Variants in TNPO1 observed in about 807,000 individuals in gnomAD.
TNPO1 encodes the protein transportin 1.
In TNPO1, 8 loss-of-function variants were observed where a neutral mutation model predicts 119.5. That is an observed-to-expected ratio of 0.07 (90% CI 0.04 to 0.12). The LOEUF (loss-of-function observed/expected upper bound fraction) is 0.12. Among genes scored for constraint, TNPO1 ranks in the 10% least tolerant of loss-of-function variants. The probability of loss-of-function intolerance (pLI) is 1.00; values close to 1 mark genes in which losing one functional copy is unlikely to be tolerated. For missense variants in TNPO1, 576 were observed against 1,089.8 expected (o/e 0.53, Z 6.64); for synonymous variants, 362 against 363.0 (o/e 1.00, Z 0.03).
chr5:72,887,034 G>A lies in TNPO1; in HGVS notation c.1151-36G>A, dbSNP rs183099839. The A allele has an allele frequency of 3.3e-3, 5,246 of 1,576,608 alleles. 18 individuals carry two copies. The highest frequency in any genetic ancestry group is 3.6e-3 in the South Asian group (302 of 84,882). ...ATAAATAATATATAAGTAATAAGAG[G>A]TTAATGTAATATTTTTGAATTAAAT... is the stretch of plus-strand genomic sequence containing the variant. On this transcript the variant is annotated intron_variant, in intron 11 of 24. Transcript: ENST00000337273.
chr5:72,889,622 G>A (rs368682131), intron 13 of TNPO1, among the ~76,000 whole-genome samples, 164 bp from the exon 14 acceptor site: 16 of 152,178 alleles, frequency 1.1e-4, no homozygotes, highest in South Asian at 4.2e-4. Flanking sequence ...GGAAGAAATC[G>A]GTAAATAATT....
chr5:72,882,868 AG>A (rs1748350173), intron 10 of TNPO1, among the ~76,000 whole-genome samples, 195 bp from the exon 11 acceptor site: 1 of 152,176 alleles, frequency 6.6e-6, no homozygotes, highest in Non-Finnish European at 1.5e-5. Flanking sequence ...ATAACCTAAC[AG>A]GTGTGTTAGG....
intron 11 of TNPO1, among the ~76,000 whole-genome samples, 159 bp from the exon 12 acceptor site, chr5:72,886,911 A>G (rs887513478): frequency 5.5e-5 from 7 of 127,470 alleles, no homozygotes; most frequent in Non-Finnish European, 1.0e-4. Flanking sequence ...AAAAAAAAAA[A>G]CCACAAAATG....
chr5:72,896,233 C>T (rs984604134), intron 18 of TNPO1, among the ~76,000 whole-genome samples: 2 of 151,812 alleles, frequency 1.3e-5, no homozygotes, highest in African/African-American at 4.8e-5. Flanking sequence ...ATACTGTTTT[C>T]TTCAGTTTCT....
chr5:72,870,158 C>CTTT (rs200118076), intron 6 of TNPO1, among the ~76,000 whole-genome samples: 27,090 of 106,082 alleles, frequency 0.26, 4,969 homozygotes, highest in Middle Eastern at 0.35. Context: ...ATACTAATTG[C>CTTT]TTTTTTTTTT....
chr5:72,887,987 A>G, intron 12 of TNPO1, 91 bp from the exon 13 acceptor site: 1 of 1,247,066 alleles, frequency 8.0e-7, no homozygotes, highest in Admixed American at 2.2e-5. Flanking sequence ...AATATTCTGA[A>G]TTTTTTCATA....
chr5:72,855,307 A>G (rs748125976), intron 3 of TNPO1, among the ~76,000 whole-genome samples: 3 of 152,032 alleles, frequency 2.0e-5, no homozygotes, highest in East Asian at 1.9e-4. Flanking sequence ...TTTTAATAGG[A>G]TATGTTTAAG....
intron 6 of TNPO1, among the ~76,000 whole-genome samples, chr5:72,866,115 C>G (rs528731028): frequency 6.6e-6 from 1 of 152,112 alleles, no homozygotes; most frequent in Non-Finnish European, 1.5e-5. Flanking sequence ...AGGCGTATTG[C>G]GTGGATGCTG....
intron 6 of TNPO1, among the ~76,000 whole-genome samples, chr5:72,867,734 T>G (rs920297858): frequency 1.3e-5 from 2 of 152,244 alleles, no homozygotes; most frequent in African/African-American, 2.4e-5. Context: ...GTGAGATATA[T>G]CTTAGTTTTT....
chr5:72,888,732 A>G (rs955597780), intron 13 of TNPO1, among the ~76,000 whole-genome samples: 3 of 152,220 alleles, frequency 2.0e-5, no homozygotes, highest in Non-Finnish European at 4.4e-5. Context: ...GTTTGAGCAG[A>G]TTGACATCCT....
In TNPO1 at chr5:72,861,912, G is replaced by A; in HGVS notation, c.460G>A (p.Glu154Lys). 6.2e-7 allele frequency: 1 copy of A among 1,604,092 alleles called. No homozygotes were observed. Among genetic ancestry groups the A allele is most frequent in the Non-Finnish European group, 8.5e-7 (1 of 1,170,958 alleles). Residue 154 changes from glutamate (E) to lysine (K), a missense_variant and splice_region_variant, in exon 5 of 25, where the codon GAG (glutamate) becomes AAG (lysine). Physicochemically the swap from Glu to Lys is moderately conservative, Grantham distance 56. Around this residue, in one of 6 missense-constraint regions of TNPO1, gnomAD observed 310 missense variants for 583.0 expected, o/e 0.53. Transcript: ENST00000337273. Reference sequence around the variant, plus strand: ...GGATTCTGAAGATTATAATACCTGTGAGGTAAGGATATTTGTTTCATACAT... The same window carrying A: ...GGATTCTGAAGATTATAATACCTGTAAGGTAAGGATATTTGTTTCATACAT... ...LLDSEDYNTC[E>K]GAFGALQKIC...
At chr5:72,881,688 C>A (rs1748258483) in intron 9 of TNPO1, among the ~76,000 whole-genome samples, 1 of 152,176 alleles carries the variant, frequency 6.6e-6, no homozygotes, top group Non-Finnish European at 1.5e-5. Flanking sequence ...TCACTTTGAG[C>A]ACTTAGGCTC....
chr5:72,902,220 A>G (rs1468789242), intron 22 of TNPO1, among the ~76,000 whole-genome samples: 6 of 152,234 alleles, frequency 3.9e-5, no homozygotes, highest in Non-Finnish European at 8.8e-5. Context: ...AAGAAAATTG[A>G]AACTTTCCAC....
At chr5:72,889,745 C>G in intron 13 of TNPO1, 41 bp from the exon 14 acceptor site, 1 of 1,540,978 alleles carries the variant, frequency 6.5e-7, no homozygotes, top group South Asian at 1.3e-5. Flanking sequence ...TTAGATATAT[C>G]TTACAGTCAA....
intron 14 of TNPO1, among the ~76,000 whole-genome samples, chr5:72,891,255 A>G (rs995773316): frequency 5.9e-5 from 9 of 152,110 alleles, no homozygotes; most frequent in African/African-American, 2.2e-4. Flanking sequence ...TCAAAAGGTC[A>G]GGAGATCGAC....
At chr5:72,890,827 ATAT>A (rs1748995562) in intron 14 of TNPO1, among the ~76,000 whole-genome samples, 1 of 152,152 alleles carries the variant, frequency 6.6e-6, no homozygotes, top group South Asian at 2.1e-4. Flanking sequence ...AGTAACAGCC[ATAT>A]TACACGTTAC....
chr5:72,851,217 A>G, intron 2 of TNPO1, 27 bp from the exon 3 acceptor site: 1 of 1,352,458 alleles, frequency 7.4e-7, no homozygotes, highest in Non-Finnish European at 1.0e-6. Flanking sequence ...TACACAGAGA[A>G]GTTTCCTTAA....
At chr5:72,887,912 C>T (rs1281285383) in intron 12 of TNPO1, among the ~76,000 whole-genome samples, 166 bp from the exon 13 acceptor site, 1 of 152,130 alleles carries the variant, frequency 6.6e-6, no homozygotes, top group Non-Finnish European at 1.5e-5. Context: ...GAGCAGGTAG[C>T]TCTAACTTCA....
intron 5 of TNPO1, 135 bp from the exon 6 acceptor site, chr5:72,865,460 TA>T: frequency 2.0e-6 from 2 of 1,020,276 alleles, no homozygotes; most frequent in Non-Finnish European, 2.8e-6. Context: ...ATTGAAGGAT[TA>T]AATTTATGGA....
Sources: gnomAD v4.1 joint callset for allele counts (sites outside exome capture counted in the v4.1 genomes callset) on GRCh38, gnomAD v4.1.1 for gene constraint, gnomAD v4.1.1 regional missense constraint, MANE v1.5 for transcripts, NCBI Gene and HGNC (gene_info 2026-07-23, HGNC 2026-07-21) for gene names.